LONRF2: variants seen among roughly 807,000 people sequenced by gnomAD.
LONRF2 encodes the protein LON peptidase N-terminal domain and RING finger protein 2.
Under a neutral mutation model 66.6 loss-of-function variants are expected in LONRF2, and 35 were observed. That is an observed-to-expected ratio of 0.53 (90% CI 0.40 to 0.70). The LOEUF is 0.70. Ranked by LOEUF, LONRF2 falls within the 30% of genes least tolerant of loss-of-function variation. LONRF2 has a pLI of 0.00. For synonymous variants in LONRF2, 417 were observed against 418.1 expected (o/e 1.00, Z 0.03); for missense variants, 902 against 1,002.1 (o/e 0.90, Z 1.35).
rs372470927 is a variant in LONRF2 at position 100,299,772 on chromosome 2, C to T, written c.1212G>A (p.Pro404=). 1.9e-5 allele frequency: 31 copies of T among 1,614,020 alleles called. No individual in the cohort carries two copies. The highest frequency in any genetic ancestry group is 1.7e-4 in the Middle Eastern group (1 of 6,046). The change falls in exon 5 of 12, where the codon CCG becomes CCA. Residue 404 remains proline (P), a synonymous_variant. Coordinates refer to ENST00000393437, the MANE Select transcript of LONRF2 (RefSeq NM_198461.4). ...APSAGLKRQF[P]DDVEDAPDLN... is the part of the protein sequence containing the mutation. Reference sequence around the variant, plus strand: ...GGTCAGGTGCATCCTCCACGTCATCCGGAAACTGTCTCTTTAAGCCAGCGC... The same window carrying T: ...GGTCAGGTGCATCCTCCACGTCATCTGGAAACTGTCTCTTTAAGCCAGCGC...
Position 100,278,978 on chromosome 2 carries a change from C to T in LONRF2, c.*5320G>A, listed in dbSNP as rs1674656280. On this transcript the variant is annotated 3_prime_UTR_variant, in exon 12 of 12. Coordinates refer to ENST00000393437, the MANE Select transcript of LONRF2 (RefSeq NM_198461.4). ...CTGGTAGAAGGGACTACTCTCTGTACCATTCTAAAACTTAAGGGAGCGTCT... is the reference window on the plus strand; with the variant it reads ...CTGGTAGAAGGGACTACTCTCTGTATCATTCTAAAACTTAAGGGAGCGTCT... 1 of 152,106 alleles carries T rather than the reference C, an allele frequency of 6.6e-6. No individual in the cohort carries two copies. The highest frequency in any genetic ancestry group is 1.5e-5 in the Non-Finnish European group (1 of 68,036). The allele number at this position is 152,106 out of a possible 1,614,324, so 9.4% of individuals were successfully genotyped here. A position where few individuals can be genotyped will look rare whatever the true frequency, so the allele number is the denominator to read the frequency against.
intron 1 of LONRF2, among the ~76,000 whole-genome samples, chr2:100,313,703 C>T (rs1343987900): frequency 6.6e-6 from 1 of 152,130 alleles, no homozygotes; most frequent in Non-Finnish European, 1.5e-5. Flanking sequence ...GTAGTTCATT[C>T]CCAGGGCCTA....
At chr2:100,317,552 T>A (rs1675532705) in intron 1 of LONRF2, among the ~76,000 whole-genome samples, 1 of 152,214 alleles carries the variant, frequency 6.6e-6, no homozygotes, top group Non-Finnish European at 1.5e-5. Flanking sequence ...CTTCTAGCAC[T>A]CTTTACTCTG....
Position 100,321,867 on chromosome 2 carries a change from T to C in LONRF2, c.227A>G (p.Glu76Gly). The change falls in exon 1 of 12, where the codon GAA (glutamate) becomes GGA (glycine). Residue 76 changes from glutamate (E) to glycine (G), a missense_variant. Transcript: ENST00000393437. ...DALARAGRLP[E>G]ALGAFRGAAR... The stretch of plus-strand genomic sequence containing the variant: ...GGCGCCGCGGAACGCGCCCAGGGCT[T>C]CGGGGAGGCGGCCGGCGCGGGCCAG... 1 of 1,201,644 alleles carries C rather than the reference T, an allele frequency of 8.3e-7. No homozygotes were observed. The highest frequency in any genetic ancestry group is 1.0e-6 in the Non-Finnish European group (1 of 970,394). The allele number at this position is 1,201,644 out of a possible 1,614,324, so 74.4% of individuals were successfully genotyped here. A position where few individuals can be genotyped will look rare whatever the true frequency, so the allele number is the denominator to read the frequency against.
intron 1 of LONRF2, among the ~76,000 whole-genome samples, chr2:100,320,393 T>C (rs1675596174): frequency 6.6e-6 from 1 of 152,190 alleles, no homozygotes; most frequent in Non-Finnish European, 1.5e-5. Context: ...CAGCAGAGAA[T>C]ATCCCAATTT....
chr2:100,275,516 G>A lies in LONRF2; in HGVS notation c.*8782C>T, dbSNP rs1300170736. 1 of 152,234 alleles carries A rather than the reference G, an allele frequency of 6.6e-6. No individual in the cohort carries two copies. The highest frequency in any genetic ancestry group is 1.5e-5 in the Non-Finnish European group (1 of 68,056). 9.4% of individuals were successfully genotyped at this position (152,234 alleles called of 1,614,324 possible). ...CAGGGATCCTCCGGCCATGCGGCCG[G>A]TGAGAGGCACCCTCCTCACAGAAAT... On this transcript the variant is annotated 3_prime_UTR_variant, in exon 12 of 12. Coordinates refer to ENST00000393437, the MANE Select transcript of LONRF2 (RefSeq NM_198461.4).
intron 7 of LONRF2, among the ~76,000 whole-genome samples, chr2:100,297,232 C>G (rs1420216326): frequency 6.6e-6 from 1 of 152,058 alleles, no homozygotes; most frequent in South Asian, 2.1e-4. Flanking sequence ...GGGTTCACGC[C>G]ATTCTCCTGT....
At chr2:100,292,315 T>C (rs1050219117) in intron 9 of LONRF2, among the ~76,000 whole-genome samples, 1 of 152,202 alleles carries the variant, frequency 6.6e-6, no homozygotes, top group East Asian at 1.9e-4. Context: ...GACAGGAGCC[T>C]GTGTGTGATG....
chr2:100,317,200 T>C (rs994822258), intron 1 of LONRF2, among the ~76,000 whole-genome samples: 1 of 152,232 alleles, frequency 6.6e-6, no homozygotes, highest in African/African-American at 2.4e-5. Context: ...ATTTCTTTTC[T>C]AGTTGTCCCA....
intron 1 of LONRF2, among the ~76,000 whole-genome samples, chr2:100,314,122 T>C (rs1675459937): frequency 6.6e-6 from 1 of 152,044 alleles, no homozygotes; most frequent in South Asian, 2.1e-4. Flanking sequence ...TAGTATATAC[T>C]CAAAAGTAGA....
chr2:100,307,306 AC>A (rs749120578), intron 2 of LONRF2, among the ~76,000 whole-genome samples: 28 of 152,144 alleles, frequency 1.8e-4, no homozygotes, highest in Admixed American at 5.9e-4. Flanking sequence ...TTTGCAGTAA[AC>A]CCTGCAGATA....
chr2:100,314,983 A>G (rs773705995), intron 1 of LONRF2, among the ~76,000 whole-genome samples: 3 of 152,198 alleles, frequency 2.0e-5, no homozygotes, highest in Non-Finnish European at 4.4e-5. Context: ...CACCAAAAAC[A>G]CTGGCTAGGA....
intron 2 of LONRF2, among the ~76,000 whole-genome samples, chr2:100,308,365 C>T (rs1431218808): frequency 6.6e-6 from 1 of 152,110 alleles, no homozygotes; most frequent in African/African-American, 2.4e-5. Context: ...AAAGGGCAGG[C>T]TTCCCAGTGC....
At position 100,302,981 on chromosome 2, in the gene LONRF2, T is replaced by C. The variant is rs199726117; in HGVS notation, c.861A>G (p.Glu287=). Residue 287 remains glutamate (E), a synonymous_variant, in exon 3 of 12, where the codon GAA becomes GAG. Transcript: ENST00000393437. The part of the protein sequence containing the change: ...GLGRSKEVLK[E]FLYCLALNPE... ...GATTCAGAGCAAGGCAGTAGAGAAA[T>C]TCCTTTAACACTTCCTTACTTCTTC... The C allele has an allele frequency of 1.9e-6, 3 of 1,612,212 alleles. No individual in the cohort carries two copies. Among genetic ancestry groups the C allele is most frequent in the Middle Eastern group, 1.7e-4 (1 of 6,056 alleles).
In LONRF2 at chr2:100,322,336, C is replaced by T. The variant is rs1675658365; in HGVS notation, c.-243G>A. The T allele has an allele frequency of 1.6e-5, 5 of 321,730 alleles. No homozygotes were observed. Among genetic ancestry groups the T allele is most frequent in the Non-Finnish European group, 2.2e-5 (4 of 180,958 alleles). The allele number at this position is 321,730 out of a possible 1,614,324, so 19.9% of individuals were successfully genotyped here. A position where few individuals can be genotyped will look rare whatever the true frequency, so the allele number is the denominator to read the frequency against. Reference sequence around the variant, plus strand: ...GGCTGCAATCGTTCCGGGGTGGGGGCCGGGACAGGCACCGCGGGCGCAATC... The same window carrying T: ...GGCTGCAATCGTTCCGGGGTGGGGGTCGGGACAGGCACCGCGGGCGCAATC... On this transcript the variant is annotated 5_prime_UTR_variant, in exon 1 of 12. Transcript: ENST00000393437.
rs115944602 is a variant in LONRF2 at position 100,293,795 on chromosome 2, G to T, written c.1757+434C>A. Among the ~76,000 whole-genome samples the T allele has an allele frequency of 3.2e-3, 486 of 152,254 alleles. 2 individuals are homozygous for T. Among genetic ancestry groups the T allele is most frequent in the African/African-American group, 0.011 (467 of 41,552 alleles). On this transcript the variant is annotated intron_variant, in intron 9 of 11. Coordinates refer to ENST00000393437, the MANE Select transcript of LONRF2 (RefSeq NM_198461.4). Reference sequence around the variant, plus strand: ...GGGTCTCCCTATGCTGCCTAGGTTGGTCTCCAACTCCTGGGCTCAAGCGAT... The same window carrying T: ...GGGTCTCCCTATGCTGCCTAGGTTGTTCTCCAACTCCTGGGCTCAAGCGAT...
Position 100,309,472 on chromosome 2 carries a change from C to A in LONRF2, c.680-247G>T, listed in dbSNP as rs11682748. On this transcript the variant is annotated intron_variant, in intron 1 of 11. Coordinates refer to ENST00000393437, the MANE Select transcript of LONRF2 (RefSeq NM_198461.4). The stretch of plus-strand genomic sequence containing the variant: ...GAAAACAGGAAGAAGATTAACAAGA[C>A]TTGAAAAAGCACCAAGAAAAACAGA... 0.46 allele frequency: 98,223 copies of A among 212,298 alleles called. 23,890 individuals carry two copies. Among genetic ancestry groups the A allele is most frequent in the East Asian group, 0.72 (7,346 of 10,218 alleles). The allele number at this position is 212,298 out of a possible 1,614,324, so 13.2% of individuals were successfully genotyped here.
At chr2:100,320,175 C>T (rs11694700) in intron 1 of LONRF2, among the ~76,000 whole-genome samples, 62,361 of 152,052 alleles carry the variant, frequency 0.41, 14,396 homozygotes, top group East Asian at 0.76. Flanking sequence ...ATAAATTTCA[C>T]CTGCTTTTTT....
chr2:100,301,940 T>C (rs1327819697), intron 3 of LONRF2, among the ~76,000 whole-genome samples: 1 of 152,222 alleles, frequency 6.6e-6, no homozygotes, highest in African/African-American at 2.4e-5. Flanking sequence ...TGAGTGATAC[T>C]GGTCAATTGA....
Sources: gnomAD v4.1 joint callset for allele counts (sites outside exome capture counted in the v4.1 genomes callset) on GRCh38, gnomAD v4.1.1 for gene constraint, MANE v1.5 for transcripts, NCBI Gene and HGNC (gene_info 2026-07-23, HGNC 2026-07-21) for gene names.